The following LCORL variants were observed in gnomAD, a reference collection of about 807,000 sequenced individuals.
The protein encoded by LCORL is ligand dependent nuclear receptor corepressor like.
Under a neutral mutation model 141.8 loss-of-function variants are expected in LCORL, and 41 were observed. That is an observed-to-expected ratio of 0.29 (90% CI 0.23 to 0.38). The LOEUF (loss-of-function observed/expected upper bound fraction) is 0.38, where lower values mean the gene tolerates loss of function less well. Ranked by LOEUF, LCORL falls within the 10% of genes least tolerant of loss-of-function variation. The probability of loss-of-function intolerance (pLI) is 1.00; values close to 1 mark genes in which losing one functional copy is unlikely to be tolerated. For missense variants in LCORL, 1,759 were observed against 2,035.0 expected (o/e 0.86, Z 2.61); for synonymous variants, 618 against 694.1 (o/e 0.89, Z 1.72).
chr4:18,021,849 CG>C lies in LCORL; in HGVS notation c.-99del. The C allele has an allele frequency of 7.4e-7, 1 of 1,345,952 alleles. No homozygotes were observed. Among genetic ancestry groups the C allele is most frequent in the East Asian group, 3.0e-5 (1 of 33,864 alleles). 83.4% of individuals were successfully genotyped at this position (1,345,952 alleles called of 1,614,324 possible). ...CGCGAGCCCCGGAGCGCGCGCCCCC[CG>C]GAGGGGGGTTGATTGACACGTGTCA... is the stretch of plus-strand genomic sequence containing the variant. On this transcript the variant is annotated 5_prime_UTR_variant, in exon 1 of 8. Coordinates refer to ENST00000635767, the Ensembl canonical transcript of LCORL. The surrounding 1 kb of genome is among the most constrained non-coding windows in gnomAD (Gnocchi z 5.5).
At chr4:17,998,039 C>T (rs1171482139) in intron 1 of LCORL, among the ~76,000 whole-genome samples, 2 of 152,128 alleles carry the variant, frequency 1.3e-5, no homozygotes, top group South Asian at 2.1e-4. Flanking sequence ...GAAGAGCCTA[C>T]TGTATACAGT....
At chr4:17,982,991 A>C (rs1314734291) in intron 1 of LCORL, among the ~76,000 whole-genome samples, 3 of 152,226 alleles carry the variant, frequency 2.0e-5, no homozygotes, top group Non-Finnish European at 4.4e-5. Context: ...ATGACTAGCC[A>C]GTTATCCCAG....
chr4:18,015,086 A>G (rs1351567207), intron 1 of LCORL, among the ~76,000 whole-genome samples: 3 of 152,254 alleles, frequency 2.0e-5, no homozygotes, highest in African/African-American at 7.2e-5. Context: ...AGGAATAAAA[A>G]GTTACATAAC....
chr4:17,867,731 T>G (rs1303735699), intron 7 of LCORL, among the ~76,000 whole-genome samples: 1 of 152,194 alleles, frequency 6.6e-6, no homozygotes, highest in African/African-American at 2.4e-5. Flanking sequence ...AACTGAATGA[T>G]TTTCTGAGAA....
intron 7 of LCORL, among the ~76,000 whole-genome samples, chr4:17,852,234 G>A (rs1212411651): frequency 1.3e-5 from 2 of 152,034 alleles, no homozygotes; most frequent in Admixed American, 6.5e-5. Context: ...TCTATATCCT[G>A]GATTCTAATG....
At chr4:18,018,406 TG>T (rs1724956873) in intron 1 of LCORL, among the ~76,000 whole-genome samples, 1 of 152,108 alleles carries the variant, frequency 6.6e-6, no homozygotes, top group Non-Finnish European at 1.5e-5. Flanking sequence ...AGTACCACAA[TG>T]TAAGTAGAGA....
chr4:17,859,832 C>A (rs766281275), intron 7 of LCORL, among the ~76,000 whole-genome samples: 1 of 152,102 alleles, frequency 6.6e-6, no homozygotes, highest in Non-Finnish European at 1.5e-5. Context: ...AGCTGAGAAC[C>A]AAATCAAGAA....
chr4:17,894,139 T>TG (rs1341381421), intron 5 of LCORL, among the ~76,000 whole-genome samples: 2 of 152,120 alleles, frequency 1.3e-5, no homozygotes, highest in Non-Finnish European at 2.9e-5. Flanking sequence ...CAATTTATGA[T>TG]GGGGCTATGT....
chr4:17,976,115 AT>A (rs574434068), intron 1 of LCORL, among the ~76,000 whole-genome samples: 2 of 152,136 alleles, frequency 1.3e-5, no homozygotes, highest in South Asian at 2.1e-4. Flanking sequence ...TTCATTATGT[AT>A]TTTTTTCCAA....
At chr4:17,873,736 G>A in exon 7 of LCORL, 1 of 1,233,872 alleles carries the variant, frequency 8.1e-7, no homozygotes, top group Non-Finnish European at 1.0e-6. Context: ...GTAGATTCAG[G>A]AGAGTAAATG....
At chr4:17,984,617 T>C (rs1422165872) in intron 1 of LCORL, among the ~76,000 whole-genome samples, 1 of 152,070 alleles carries the variant, frequency 6.6e-6, no homozygotes, top group Non-Finnish European at 1.5e-5. Context: ...AGCAGTAACA[T>C]CCCCTTTGTC....
intron 2 of LCORL, among the ~76,000 whole-genome samples, chr4:17,970,863 T>C (rs2109657356): frequency 6.6e-6 from 1 of 152,344 alleles, no homozygotes; most frequent in South Asian, 2.1e-4. Context: ...AGAAAGTGTT[T>C]ATACATATGA....
chr4:17,938,910 C>T (rs1178864265), intron 4 of LCORL, among the ~76,000 whole-genome samples: 1 of 152,086 alleles, frequency 6.6e-6, no homozygotes, highest in Non-Finnish European at 1.5e-5. Flanking sequence ...CTAGGGAGGG[C>T]ATCAGAACTA....
intron 1 of LCORL, among the ~76,000 whole-genome samples, chr4:18,017,504 T>A (rs1047152011): frequency 2.0e-5 from 3 of 152,142 alleles, no homozygotes; most frequent in African/African-American, 7.2e-5. Flanking sequence ...CAAGATATGA[T>A]GTACTAAGAA....
rs898076886 is a variant in LCORL, at chr4:18,021,036, C to A, written c.154+562G>T. On this transcript the variant is annotated intron_variant, in intron 1 of 7. Transcript: ENST00000635767. The surrounding 1 kb of genome is among the most constrained non-coding windows in gnomAD (Gnocchi z 5.5). ...CGACGCCCCCGCCGCCCCTCGCCCC[C>A]AGCCGGCCCATCAGCGGCCCCCGCC... Among the ~76,000 whole-genome samples the A allele has an allele frequency of 6.6e-6, 1 of 152,120 alleles. No homozygotes were observed.
intron 1 of LCORL, among the ~76,000 whole-genome samples, chr4:17,990,847 A>C (rs900476846): frequency 1.3e-5 from 2 of 152,128 alleles, no homozygotes; most frequent in African/African-American, 4.8e-5. Flanking sequence ...GAATGTGGAA[A>C]GATATCTGGC....
intron 7 of LCORL, among the ~76,000 whole-genome samples, chr4:17,859,050 T>C (rs986316021): frequency 6.6e-6 from 1 of 152,234 alleles, no homozygotes; most frequent in African/African-American, 2.4e-5. Flanking sequence ...TTAGAGTTTT[T>C]CAACTTTACA....
chr4:18,020,868 C>T (rs1725419399), intron 1 of LCORL: 3 of 152,420 alleles, frequency 2.0e-5, no homozygotes, highest in Admixed American at 2.0e-4. Context: ...TGGCAACACC[C>T]CCCATCCGTC....
chr4:17,978,182 A>AT (rs1717339876), intron 1 of LCORL, among the ~76,000 whole-genome samples: 1 of 152,110 alleles, frequency 6.6e-6, no homozygotes, highest in Non-Finnish European at 1.5e-5. Flanking sequence ...TGCATATCTA[A>AT]TACTTTTGCT....
Sources: allele counts gnomAD v4.1 joint callset (sites outside exome capture counted in the v4.1 genomes callset), GRCh38; gene constraint gnomAD v4.1.1; non-coding constraint Gnocchi (gnomAD v3.1); transcripts MANE v1.5; gene names NCBI Gene and HGNC (gene_info 2026-07-23, HGNC 2026-07-21).